The following SPIRE2 variants were observed in gnomAD, a reference collection of about 807,000 sequenced individuals.
The protein encoded by SPIRE2 is spire type actin nucleation factor 2.
A neutral mutation model predicts 80.7 loss-of-function variants in SPIRE2; 76 were observed. That is an observed-to-expected ratio of 0.94 (90% CI 0.78 to 1.14). The LOEUF (loss-of-function observed/expected upper bound fraction) is 1.14. SPIRE2 is among the 50% of genes most tolerant of loss of function. The pLI is 0.00. For synonymous variants in SPIRE2, 535 were observed against 432.6 expected (o/e 1.24, Z -2.94); for missense variants, 1,196 against 1,015.3 (o/e 1.18, Z -2.42).
Position 89,856,223 on chromosome 16 carries a change from C to A in SPIRE2, c.1089C>A (p.Gly363=). ...GGCTGCGCCCGGTGCGGGGCGAGGG[C>A]TGGGCTGCCCGCGGTGAGTGAGGGG... ...ERRLRPVRGE[G]WAARGFGSLP... is the part of the protein sequence containing the mutation. The change falls in exon 7 of 15, where the codon GGC becomes GGA. Residue 363 remains glycine (G), a synonymous_variant. Coordinates refer to ENST00000378247, the MANE Select transcript of SPIRE2 (RefSeq NM_032451.2). 1 of 1,579,716 alleles carries A rather than the reference C, an allele frequency of 6.3e-7. No individual in the cohort carries two copies.
At position 89,858,471 on chromosome 16, in the gene SPIRE2, T is replaced by C; in HGVS notation, c.1236T>C (p.Pro412=). Reference sequence around the variant, plus strand: ...GGCCCCGCGTGCTGCTCAAGGCGCCTACCTTGGCTGAAATGGAAGAGATGA... The same window carrying C: ...GGCCCCGCGTGCTGCTCAAGGCGCCCACCTTGGCTGAAATGGAAGAGATGA... ...RPRPRVLLKA[P]TLAEMEEMNT... is the part of the protein sequence containing the mutation. The change falls in exon 8 of 15, where the codon CCT becomes CCC. Residue 412 remains proline (P), a synonymous_variant. Transcript: ENST00000378247. 1.2e-6 allele frequency: 2 copies of C among 1,606,276 alleles called. No individual in the cohort carries two copies. The highest frequency in any genetic ancestry group is 1.7e-6 in the Non-Finnish European group (2 of 1,177,390).
At chr16:89,859,033 G>T (rs1385014089) in intron 8 of SPIRE2, 132 bp from the exon 9 acceptor site, 3 of 777,472 alleles carry the variant, frequency 3.9e-6, no homozygotes, top group Non-Finnish European at 3.9e-6. Flanking sequence ...GGGCAGGCTG[G>T]GAAGTGGGTG....
At chr16:89,867,905 C>T (rs1426291390) in intron 12 of SPIRE2, among the ~76,000 whole-genome samples, 3 of 152,172 alleles carry the variant, frequency 2.0e-5, no homozygotes, top group Non-Finnish European at 4.4e-5. Context: ...ATGTTTAAAC[C>T]TTACTCTATA....
At chr16:89,869,536 C>G (rs756527961) in intron 13 of SPIRE2, 31 bp from the exon 14 acceptor site, 2 of 1,479,724 alleles carry the variant, frequency 1.4e-6, no homozygotes, top group East Asian at 4.5e-5. Flanking sequence ...CTGGTGGTGC[C>G]TGGTTCATAC....
chr16:89,860,665 G>A lies in SPIRE2; in HGVS notation c.1463-18G>A. 2 of 1,529,074 alleles carry A rather than the reference G, an allele frequency of 1.3e-6. No individual in the cohort carries two copies. The highest frequency in any genetic ancestry group is 1.8e-6 in the Non-Finnish European group (2 of 1,120,520). The allele number at this position is 1,529,074 out of a possible 1,614,324, so 94.7% of individuals were successfully genotyped here. The stretch of plus-strand genomic sequence containing the variant: ...GCTCCTGCCAGGCAGTCCTGATGGA[G>A]CCTCTGCTCTCCCCCAGGTACCTGT... On this transcript the variant is annotated intron_variant, in intron 9 of 14. Transcript: ENST00000378247.
At position 89,828,513 on chromosome 16, in the gene SPIRE2, C is replaced by G. The variant is rs2041346857; in HGVS notation, c.-38C>G. 1 of 1,022,366 alleles carries G rather than the reference C, an allele frequency of 9.8e-7. No individual in the cohort carries two copies. The highest frequency in any genetic ancestry group is 1.2e-6 in the Non-Finnish European group (1 of 855,986). 63.3% of individuals were successfully genotyped at this position (1,022,366 alleles called of 1,614,324 possible). A position where few individuals can be genotyped will look rare whatever the true frequency, so the allele number is the denominator to read the frequency against. ...GCGGCGGAAGGCGCGGCTGCATGGA[C>G]GCGGGTCCGGCGCGCGGGAGGCGAT... On this transcript the variant is annotated 5_prime_UTR_variant, in exon 1 of 15. Transcript: ENST00000378247. This position sits in a 1 kb window ranked among gnomAD's most constrained non-coding sequence, Gnocchi z 5.9.
At position 89,854,660 on chromosome 16, in the gene SPIRE2, G is replaced by A. The variant is rs932718577; in HGVS notation, c.891+9G>A. 2 of 1,608,550 alleles carry A rather than the reference G, an allele frequency of 1.2e-6. No individual in the cohort carries two copies. Among genetic ancestry groups the A allele is most frequent in the African/African-American group, 1.3e-5 (1 of 74,862 alleles). Reference sequence around the variant, plus strand: ...AGCTGCGCAAGGTCATGGTGAGCGGGGCAGACGCAGAGGGGCAGCCTGGAT... The same window carrying A: ...AGCTGCGCAAGGTCATGGTGAGCGGAGCAGACGCAGAGGGGCAGCCTGGAT... On this transcript the variant is annotated intron_variant, in intron 5 of 14. Coordinates refer to ENST00000378247, the MANE Select transcript of SPIRE2 (RefSeq NM_032451.2).
At position 89,828,684 on chromosome 16, in the gene SPIRE2, TC is replaced by T. The variant is rs1400316404; in HGVS notation, c.136del (p.Gln46ArgfsTer45). 1 of 1,317,066 alleles carries T rather than the reference TC, an allele frequency of 7.6e-7. No individual in the cohort carries two copies. Among genetic ancestry groups the T allele is most frequent in the Non-Finnish European group, 9.7e-7 (1 of 1,028,320 alleles). 81.6% of individuals were successfully genotyped at this position (1,317,066 alleles called of 1,614,324 possible). A position where few individuals can be genotyped will look rare whatever the true frequency, so the allele number is the denominator to read the frequency against. On this transcript the variant is annotated frameshift_variant, in exon 1 of 15. Transcript: ENST00000378247. LOFTEE classifies it high-confidence loss of function. The surrounding 1 kb of genome is among the most constrained non-coding windows in gnomAD (Gnocchi z 5.9). Reference sequence around the variant, plus strand: ...GAGGAGCAGGCGTGGGCCGTGTGCTTCCAGGGCTGCCGCGGGCTGCGGGGCT... The same window carrying T: ...GAGGAGCAGGCGTGGGCCGTGTGCTTCAGGGCTGCCGCGGGCTGCGGGGCT... ...LNEEQAWAVC[F>X]QGCRGLRGSP...
intron 1 of SPIRE2, among the ~76,000 whole-genome samples, chr16:89,835,113 A>T (rs1161083115): frequency 1.3e-5 from 2 of 149,522 alleles, no homozygotes; most frequent in Non-Finnish European, 3.0e-5. Flanking sequence ...CTAGATAAGC[A>T]TAGCCCGTGT....
Position 89,850,495 on chromosome 16 carries a change from C to T in SPIRE2, c.480C>T (p.Gly160=), listed in dbSNP as rs1199628214. 1 of 1,530,418 alleles carries T rather than the reference C, an allele frequency of 6.5e-7. No homozygotes were observed. Among genetic ancestry groups the T allele is most frequent in the South Asian group, 1.3e-5 (1 of 79,862 alleles). The allele number at this position is 1,530,418 out of a possible 1,614,324, so 94.8% of individuals were successfully genotyped here. ...CCGAGGAGGAGGAGGAGGCCGAGGG[C>T]GTCCCCCGCAGCGTGCGCACCTTTG... ...GGPEEEEEAE[G]VPRSVRTFAQ... Residue 160 remains glycine, a synonymous_variant, in exon 3 of 15, where the codon GGC becomes GGT. Coordinates refer to ENST00000378247, the MANE Select transcript of SPIRE2 (RefSeq NM_032451.2).
intron 2 of SPIRE2, chr16:89,849,928 C>G (rs1444645340): frequency 2.7e-6 from 1 of 368,210 alleles, no homozygotes. Context: ...ACCTCCACCT[C>G]CCAGGTTCAA....
At chr16:89,845,219 T>G (rs1488151931) in intron 1 of SPIRE2, 103 bp from the exon 2 acceptor site, 1 of 1,020,708 alleles carries the variant, frequency 9.8e-7, no homozygotes, top group Non-Finnish European at 1.5e-6. Flanking sequence ...CGGCGGAGAG[T>G]GGGGCTGTGG....
chr16:89,834,776 G>A (rs1404299270), intron 1 of SPIRE2, among the ~76,000 whole-genome samples: 19 of 101,870 alleles, frequency 1.9e-4, no homozygotes, highest in Non-Finnish European at 3.4e-4. Context: ...TAGAAGTGTG[G>A]ATAAGCATAG....
At chr16:89,862,003 C>CT (rs1224707797) in intron 10 of SPIRE2, 7,044 of 139,292 alleles carry the variant, frequency 0.051, 630 homozygotes, top group African/African-American at 0.17. Flanking sequence ...AGGCCCACTT[C>CT]TTTTTTTTTT....
In SPIRE2 at chr16:89,853,720, G is replaced by A. The variant is rs552669770; in HGVS notation, c.646-566G>A. ...GCGTGCCACCGAGATCGTGCGTGACGGAGGCAGCAGGTGCCGCGCCTTCTT... is the reference window on the plus strand; with the variant it reads ...GCGTGCCACCGAGATCGTGCGTGACAGAGGCAGCAGGTGCCGCGCCTTCTT... On this transcript the variant is annotated intron_variant, in intron 3 of 14. Transcript: ENST00000378247. 1.5e-4 allele frequency among the ~76,000 whole-genome samples: 23 copies of A among 152,088 alleles called. 1 individual carries two copies. The South Asian group carries it at 4.6e-3, about 30-fold the overall frequency.
At chr16:89,855,578 A>C in intron 5 of SPIRE2, 22 bp from the exon 6 acceptor site, 4 of 1,608,342 alleles carry the variant, frequency 2.5e-6, no homozygotes, top group Non-Finnish European at 3.4e-6. Context: ...GCAGGGCCTC[A>C]GATCAGCCGT....
In SPIRE2 at chr16:89,845,271, T is replaced by C. The variant is rs540262000; in HGVS notation, c.245-51T>C. 53 of 1,566,114 alleles carry C rather than the reference T, an allele frequency of 3.4e-5. 1 individual carries two copies. The highest frequency in any genetic ancestry group is 3.3e-4 in the Middle Eastern group (2 of 5,976). On this transcript the variant is annotated intron_variant, in intron 1 of 14. Transcript: ENST00000378247. ...GGAGGTGGGGGGACAGCAGTGTTTA[T>C]TGGGGTCCCGGGGATGCTGACAAAT...
chr16:89,848,789 G>C (rs1039678778), intron 2 of SPIRE2, among the ~76,000 whole-genome samples: 1 of 149,278 alleles, frequency 6.7e-6, no homozygotes, highest in East Asian at 2.0e-4. Context: ...AGGACCTTCT[G>C]TGGTGTTTCT....
intron 1 of SPIRE2, 114 bp from the exon 2 acceptor site, chr16:89,845,207 TC>T: frequency 6.4e-6 from 6 of 936,976 alleles, no homozygotes; most frequent in Non-Finnish European, 1.0e-5. Flanking sequence ...TTTCTGGTGT[TC>T]CGGCGGAGAG....
Sources: gnomAD v4.1 joint callset for allele counts (sites outside exome capture counted in the v4.1 genomes callset) on GRCh38, gnomAD v4.1.1 for gene constraint, Gnocchi (gnomAD v3.1) non-coding constraint, MANE v1.5 for transcripts, NCBI Gene and HGNC (gene_info 2026-07-23, HGNC 2026-07-21) for gene names.